The following CHRDL1 variants were observed in gnomAD, a reference collection of about 807,000 sequenced individuals.
CHRDL1 encodes chordin like 1, also known as chordin-like protein 1.
In CHRDL1, 19 loss-of-function variants were observed where a neutral mutation model predicts 40.9. The ratio of observed to expected loss-of-function variants is 0.46; its 90% CI spans 0.32 to 0.68. The LOEUF is 0.68. CHRDL1 is among the 30% of genes least tolerant of loss of function. The pLI is 0.03. For synonymous variants in CHRDL1, 136 were observed against 123.4 expected (o/e 1.10, Z -0.68); for missense variants, 329 against 352.1 (o/e 0.93, Z 0.53).
chrX:110,758,326 G>A (rs2089496091), intron 4 of CHRDL1, among the ~76,000 whole-genome samples: 1 of 106,573 alleles, frequency 9.4e-6, no homozygotes, highest in African/African-American at 3.4e-5. Context: ...ACAACTTTTA[G>A]GTTGGTCATA....
chrX:110,792,018 C>T, intron 2 of CHRDL1, 70 bp downstream of exon 2: 1 of 654,317 alleles, frequency 1.5e-6, no homozygotes, highest in Non-Finnish European at 2.3e-6. Context: ...ATCATAATTG[C>T]TACAGATTAT....
chrX:110,703,716 CA>C (rs2070563872), intron 6 of CHRDL1, among the ~76,000 whole-genome samples: 1 of 112,037 alleles, frequency 8.9e-6, no homozygotes, highest in Admixed American at 9.5e-5. Flanking sequence ...AGTGAGCAGT[CA>C]GATGTAATCG....
intron 2 of CHRDL1, among the ~76,000 whole-genome samples, chrX:110,787,283 C>T (rs945774487): frequency 9.9e-5 from 11 of 110,971 alleles, no homozygotes; most frequent in East Asian, 2.8e-4. Context: ...GATAAGAAAA[C>T]GAAAGCTGGA....
intron 6 of CHRDL1, among the ~76,000 whole-genome samples, chrX:110,702,648 C>T (rs1012060664): frequency 1.8e-5 from 2 of 111,934 alleles, no homozygotes; most frequent in Middle Eastern, 4.6e-3. Flanking sequence ...ACATAGTAGT[C>T]GCTCAATAAA....
At chrX:110,699,651 C>T (rs1006660565) in intron 7 of CHRDL1, among the ~76,000 whole-genome samples, 2 of 112,212 alleles carry the variant, frequency 1.8e-5, no homozygotes, top group African/African-American at 6.5e-5. Context: ...TATATACATG[C>T]ACATACAATT....
chrX:110,694,806 T>C (rs1310511868), intron 7 of CHRDL1, among the ~76,000 whole-genome samples: 1 of 111,548 alleles, frequency 9.0e-6, no homozygotes, highest in African/African-American at 3.3e-5. Flanking sequence ...GAAGGATGGG[T>C]AGACTTTTTT....
rs1055242208 is a variant in CHRDL1, at chrX:110,700,516, A to G, written c.609+138T>C. On this transcript the variant is annotated intron_variant, in intron 7 of 11. Coordinates refer to ENST00000372042, the MANE Select transcript of CHRDL1 (RefSeq NM_001143981.2). ...GGTTTCCAGTTGGTGATGACATTAA[A>G]AACTTTGAGAAAAGGGAAGAAAAAT... 8.3e-6 allele frequency: 4 copies of G among 482,194 alleles called. No individual in the cohort carries two copies. In the Admixed American group the frequency reaches 1.3e-4, roughly 16 times the overall value. The allele number at this position is 482,194 out of a possible 1,213,427, so 39.7% of individuals were successfully genotyped here.
At chrX:110,730,688 T>C (rs2071143037) in intron 4 of CHRDL1, among the ~76,000 whole-genome samples, 1 of 110,776 alleles carries the variant, frequency 9.0e-6, no homozygotes, top group Non-Finnish European at 1.9e-5. Flanking sequence ...GATCAACTGA[T>C]CTTCTTGCCT....
chrX:110,694,303 T>C lies in CHRDL1; in HGVS notation c.638A>G (p.Asp213Gly). ...ARHSYHRSHY[D>G]PPPSRQAGGL... ...TCCAGCCTGTCGGCTTGGTGGAGGA[T>C]CATAGTGAGAGCGGTGGTAAGAATG... Residue 213 changes from aspartate to glycine, a missense_variant, in exon 8 of 12, where the codon GAT becomes GGT. By Grantham distance (94) the Asp-to-Gly change is moderately conservative. Coordinates refer to ENST00000372042, the MANE Select transcript of CHRDL1 (RefSeq NM_001143981.2). The C allele has an allele frequency of 2.5e-6, 3 of 1,209,270 alleles. No homozygotes were observed. Among genetic ancestry groups the C allele is most frequent in the Non-Finnish European group, 3.4e-6 (3 of 894,134 alleles).
intron 4 of CHRDL1, among the ~76,000 whole-genome samples, chrX:110,730,184 T>C (rs763513632): frequency 7.1e-5 from 8 of 112,267 alleles, no homozygotes; most frequent in African/African-American, 1.9e-4. Context: ...ACACCTGTAA[T>C]GTAATGACAA....
chrX:110,708,950 T>G (rs1358021780), intron 6 of CHRDL1, among the ~76,000 whole-genome samples: 1 of 111,137 alleles, frequency 9.0e-6, no homozygotes, highest in Non-Finnish European at 1.9e-5. Context: ...GAAATAAGAG[T>G]TCCCAAATTT....
At chrX:110,790,420 T>C (rs1004419624) in intron 2 of CHRDL1, among the ~76,000 whole-genome samples, 4 of 112,074 alleles carry the variant, frequency 3.6e-5, no homozygotes, top group East Asian at 2.8e-4. Context: ...CATCTTTCTT[T>C]GTCTAAGTTT....
chrX:110,791,518 G>A (rs777733838), intron 2 of CHRDL1, among the ~76,000 whole-genome samples: 6 of 111,522 alleles, frequency 5.4e-5, no homozygotes, highest in African/African-American at 2.0e-4. Context: ...ATATTCCCTG[G>A]CTTTGCGGGG....
intron 8 of CHRDL1, among the ~76,000 whole-genome samples, chrX:110,689,941 CTATATATCTATATA>C (rs2070220270): frequency 9.4e-5 from 1 of 10,651 alleles, no homozygotes; most frequent in Non-Finnish European, 1.6e-4. Context: ...CTATATATAT[CTATATATCTATATA>C]TATCTATATA....
At chrX:110,723,369 GAATA>G (rs1361217009) in intron 4 of CHRDL1, among the ~76,000 whole-genome samples, 3 of 111,684 alleles carry the variant, frequency 2.7e-5, no homozygotes, top group African/African-American at 9.8e-5. Context: ...AATAATACAC[GAATA>G]GATACCATTT....
At chrX:110,744,864 A>C (rs986823511) in intron 4 of CHRDL1, among the ~76,000 whole-genome samples, 2 of 109,993 alleles carry the variant, frequency 1.8e-5, no homozygotes, top group Non-Finnish European at 3.8e-5. Flanking sequence ...TGGGCAGGGC[A>C]CTATGCTAAC....
At chrX:110,774,925 C>T (rs974691912) in intron 2 of CHRDL1, among the ~76,000 whole-genome samples, 16 of 111,633 alleles carry the variant, frequency 1.4e-4, no homozygotes, top group African/African-American at 5.2e-4. Flanking sequence ...GCATCAGATG[C>T]AGTTCAAAGT....
rs1242661479 is a variant in CHRDL1, at chrX:110,696,410, T to C, written c.610-2079A>G. On this transcript the variant is annotated intron_variant, in intron 7 of 11. Coordinates refer to ENST00000372042, the MANE Select transcript of CHRDL1 (RefSeq NM_001143981.2). ...CTAATCTTGTTGAAGTCTTTTGTTT[T>C]ACAGACAGAGAAACTGAGGCCAAGG... 6.3e-5 allele frequency among the ~76,000 whole-genome samples: 7 copies of C among 110,789 alleles called. 1 individual carries two copies. The highest frequency in any genetic ancestry group is 2.3e-4 in the African/African-American group (7 of 30,277).
chrX:110,709,258 T>C (rs1414985600), intron 6 of CHRDL1, among the ~76,000 whole-genome samples: 2 of 112,417 alleles, frequency 1.8e-5, no homozygotes, highest in Non-Finnish European at 3.8e-5. Flanking sequence ...TTCCCATTCT[T>C]TGCCTCCACT....
Sources: gnomAD v4.1 joint callset for allele counts (sites outside exome capture counted in the v4.1 genomes callset) on GRCh38, gnomAD v4.1.1 for gene constraint, MANE v1.5 for transcripts, NCBI Gene and HGNC (gene_info 2026-07-23, HGNC 2026-07-21) for gene names.